AGMO: variants seen among roughly 807,000 people sequenced by gnomAD.
The protein encoded by AGMO is glyceryl-ether monooxygenase.
AGMO carries 75 observed loss-of-function variants against 60.2 expected under a neutral mutation model. The observed-to-expected ratio is 1.25, with a 90% confidence interval of 1.03 to 1.51. AGMO has a LOEUF of 1.51. Among genes scored for constraint, AGMO ranks in the 40% most tolerant of loss-of-function variants. The pLI is 0.00. For missense variants in AGMO, 763 were observed against 525.5 expected, an observed-to-expected ratio of 1.45 and a Z score of -4.42; for synonymous variants, 261 against 177.1, an observed-to-expected ratio of 1.47 and a Z score of -3.76.
chr7:15,335,251 C>T (rs1334484464), intron 12 of AGMO, among the ~76,000 whole-genome samples: 1 of 151,984 alleles, frequency 6.6e-6, no homozygotes, highest in African/African-American at 2.4e-5. Flanking sequence ...ATGCATTTAG[C>T]TATTGTTAAT....
At chr7:15,351,033 A>C (rs921905683) in intron 12 of AGMO, among the ~76,000 whole-genome samples, 2 of 152,186 alleles carry the variant, frequency 1.3e-5, no homozygotes, top group African/African-American at 4.8e-5. Flanking sequence ...ATGAGATAGT[A>C]GGCATTCTAA....
At chr7:15,177,623 C>A in the AGMO span, among the ~76,000 whole-genome samples, 1 of 152,086 alleles carries the variant, frequency 6.6e-6, no homozygotes, top group Admixed American at 6.6e-5. Context: ...TTTATTCAAC[C>A]TCTGTTTTTT....
At chr7:15,198,251 GAGA>G, downstream of AGMO, among the ~76,000 whole-genome samples, 2 of 74,384 alleles carry the variant, frequency 2.7e-5, no homozygotes, top group East Asian at 6.2e-4. Context: ...GAGAGAGAGA[GAGA>G]GACAGAGACA....
At chr7:15,517,421 C>G (rs1335435703) in intron 3 of AGMO, among the ~76,000 whole-genome samples, 1 of 151,064 alleles carries the variant, frequency 6.6e-6, no homozygotes, top group Non-Finnish European at 1.5e-5. Flanking sequence ...CCCAGCGAGA[C>G]CAATGCAGAA....
chr7:15,311,636 T>G (rs1226777894), intron 12 of AGMO, among the ~76,000 whole-genome samples: 3 of 151,856 alleles, frequency 2.0e-5, no homozygotes, highest in African/African-American at 7.3e-5. Context: ...CTGGAGGAAG[T>G]CACCATCATT....
chr7:15,469,219 G>GT (rs1782373123), intron 3 of AGMO, among the ~76,000 whole-genome samples: 1 of 151,972 alleles, frequency 6.6e-6, no homozygotes, highest in African/African-American at 2.4e-5. Flanking sequence ...GCTCTTGGCA[G>GT]TAACAGGACT....
At chr7:15,439,121 G>A (rs909719838) in intron 3 of AGMO, among the ~76,000 whole-genome samples, 12 of 152,074 alleles carry the variant, frequency 7.9e-5, no homozygotes, top group East Asian at 3.9e-4. Flanking sequence ...GAACATGACC[G>A]GGCACAGTGG....
the AGMO span, among the ~76,000 whole-genome samples, chr7:15,161,572 CAT>C: frequency 6.6e-6 from 1 of 151,056 alleles, no homozygotes; most frequent in South Asian, 2.1e-4. Flanking sequence ...GTGGATTTTA[CAT>C]ATATGTGTAT....
At chr7:15,141,583 C>T in the AGMO span, among the ~76,000 whole-genome samples, 3 of 151,964 alleles carry the variant, frequency 2.0e-5, no homozygotes, top group Non-Finnish European at 4.4e-5. Context: ...TAGAATCCGC[C>T]TCAAAACAAA....
At chr7:15,427,496 T>C (rs1297706450) in intron 4 of AGMO, among the ~76,000 whole-genome samples, 1 of 152,182 alleles carries the variant, frequency 6.6e-6, no homozygotes, top group Non-Finnish European at 1.5e-5. Flanking sequence ...TAATCCCTAA[T>C]GTTCTTTTTC....
At chr7:15,297,912 T>C (rs944551559) in intron 12 of AGMO, among the ~76,000 whole-genome samples, 2 of 152,202 alleles carry the variant, frequency 1.3e-5, no homozygotes, top group Non-Finnish European at 2.9e-5. Flanking sequence ...ATTGGTTAAA[T>C]ATTTCTTATT....
intron 10 of AGMO, among the ~76,000 whole-genome samples, chr7:15,381,390 G>T (rs1388481013): frequency 6.6e-6 from 1 of 151,336 alleles, no homozygotes; most frequent in Non-Finnish European, 1.5e-5. Context: ...TTCAAAAGAA[G>T]ACATACATGC....
chr7:15,429,920 A>G lies in AGMO; in HGVS notation c.513+1085T>C, dbSNP rs149996386. Reference sequence around the variant, plus strand: ...ATTTATGATGATCAGAAAAGATAACATAAGTGAAAAACAATATGGAGGCAT... The same window carrying G: ...ATTTATGATGATCAGAAAAGATAACGTAAGTGAAAAACAATATGGAGGCAT... On this transcript the variant is annotated intron_variant, in intron 4 of 12. Coordinates refer to ENST00000342526, the MANE Select transcript of AGMO (RefSeq NM_001004320.2). Among the ~76,000 whole-genome samples the G allele has an allele frequency of 5.0e-3, 765 of 152,208 alleles. 6 individuals are homozygous for G. Among genetic ancestry groups the G allele is most frequent in the African/African-American group, 0.017 (725 of 41,584 alleles).
At chr7:15,147,554 C>T in the AGMO span, among the ~76,000 whole-genome samples, 6 of 152,122 alleles carry the variant, frequency 3.9e-5, no homozygotes, top group African/African-American at 1.4e-4. Context: ...ATGGGAGCTA[C>T]AATTCAAGAT....
chr7:15,447,215 G>C (rs555016449), intron 3 of AGMO, among the ~76,000 whole-genome samples: 90 of 152,308 alleles, frequency 5.9e-4, no homozygotes, highest in African/African-American at 1.7e-3. Flanking sequence ...GGAGAATCTT[G>C]ATCGACTTAA....
At chr7:15,508,844 A>G (rs1783597735) in intron 3 of AGMO, among the ~76,000 whole-genome samples, 1 of 152,220 alleles carries the variant, frequency 6.6e-6, no homozygotes, top group Admixed American at 6.5e-5. Flanking sequence ...TATTTAACAC[A>G]TAAAAATATA....
At chr7:15,169,270 C>T in the AGMO span, among the ~76,000 whole-genome samples, 80 of 152,250 alleles carry the variant, frequency 5.3e-4, no homozygotes, top group African/African-American at 1.8e-3. Context: ...ACTCTGCCGT[C>T]GTGCAATATG....
chr7:15,517,316 T>G (rs2389412), intron 3 of AGMO, among the ~76,000 whole-genome samples: 5,266 of 145,520 alleles, frequency 0.036, 235 homozygotes, highest in African/African-American at 0.12. Context: ...TAGTGTGGGG[T>G]GTGTGTGTGT....
chr7:15,176,612 A>G, the AGMO span, among the ~76,000 whole-genome samples: 1 of 151,952 alleles, frequency 6.6e-6, no homozygotes, highest in East Asian at 1.9e-4. Context: ...TATGCATTGT[A>G]TAATGATTAC....
Sources: gnomAD v4.1 joint callset for allele counts (sites outside exome capture counted in the v4.1 genomes callset) on GRCh38, gnomAD v4.1.1 for gene constraint, MANE v1.5 for transcripts, NCBI Gene and HGNC (gene_info 2026-07-23, HGNC 2026-07-21) for gene names.